Variants in BCOR observed in about 807,000 individuals in gnomAD.
BCOR encodes the protein BCL-6 corepressor.
BCOR carries 10 observed loss-of-function variants against 86.7 expected under a neutral mutation model. The observed-to-expected ratio is 0.12, with a 90% CI of 0.07 to 0.20. The LOEUF (loss-of-function observed/expected upper bound fraction) is 0.20. BCOR is among the 10% of genes least tolerant of loss of function. The pLI is 1.00. For synonymous variants in BCOR, 611 were observed against 609.0 expected, an observed-to-expected ratio of 1.00 and a Z score of -0.05; for missense variants, 1,259 against 1,452.1, an observed-to-expected ratio of 0.87 and a Z score of 2.16.
intron 1 of BCOR, among the ~76,000 whole-genome samples, chrX:40,151,137 T>G (rs1419074401): frequency 8.9e-6 from 1 of 111,768 alleles, no homozygotes; most frequent in East Asian, 2.8e-4. Context: ...AGGGTGGCAC[T>G]TCCCCCCTGG....
intron 1 of BCOR, among the ~76,000 whole-genome samples, chrX:40,087,255 C>CT (rs1393031755): frequency 9.7e-5 from 11 of 113,155 alleles, no homozygotes; most frequent in African/African-American, 3.2e-4. Context: ...TAAATACTTA[C>CT]TGGCCGCCCC....
intron 6 of BCOR, among the ~76,000 whole-genome samples, chrX:40,069,122 C>T (rs1455359056): frequency 2.7e-5 from 3 of 112,796 alleles, no homozygotes; most frequent in Non-Finnish European, 3.8e-5. Context: ...GGATCCAGCG[C>T]ATGCTGTACC....
At position 40,097,320 on chromosome X, in the gene BCOR, T is replaced by G. The variant is rs1416865183; in HGVS notation, c.-146A>C. ...CGAGAAGGAGCGGGGGGCGGTTGGG[T>G]GGGTGGAGAGAGATATGAGGGGTGG... On this transcript the variant is annotated 5_prime_UTR_variant, in exon 1 of 15. Coordinates refer to ENST00000378444, the MANE Select transcript of BCOR (RefSeq NM_001123385.2). 3.6e-4 allele frequency: 4 copies of G among 10,991 alleles called. No individual in the cohort carries two copies. The highest frequency in any genetic ancestry group is 4.0e-3 in the South Asian group (1 of 252). The allele number at this position is 10,991 out of a possible 1,213,427, so 0.9% of individuals were successfully genotyped here.
chrX:40,056,280 T>C (rs919743007), intron 11 of BCOR, among the ~76,000 whole-genome samples: 2 of 70,492 alleles, frequency 2.8e-5, no homozygotes, highest in Admixed American at 1.6e-4. Context: ...CTGTCACACA[T>C]TAAAAAAAAA....
intron 1 of BCOR, among the ~76,000 whole-genome samples, chrX:40,122,753 AT>A (rs1184962845): frequency 1.8e-5 from 2 of 110,909 alleles, no homozygotes; most frequent in Admixed American, 1.9e-4. Context: ...CATCCCGAAA[AT>A]TTAAACTCCC....
intron 1 of BCOR, among the ~76,000 whole-genome samples, chrX:40,109,159 C>G (rs1937251068): frequency 3.6e-5 from 4 of 112,105 alleles, no homozygotes; most frequent in Non-Finnish European, 5.7e-5. Flanking sequence ...GGCCCGGAGC[C>G]GCAGATTAGT....
At chrX:40,172,040 G>A (rs1325906886) in intron 1 of BCOR, among the ~76,000 whole-genome samples, 1 of 112,820 alleles carries the variant, frequency 8.9e-6, no homozygotes. Flanking sequence ...GCAGCTGGGC[G>A]TCTGCGCTGC....
intron 1 of BCOR, among the ~76,000 whole-genome samples, chrX:40,153,524 A>G (rs1938215739): frequency 9.0e-6 from 1 of 111,277 alleles, no homozygotes; most frequent in Non-Finnish European, 1.9e-5. Context: ...TCCTGCATCC[A>G]AGGAAGGGGA....
At chrX:40,144,074 G>A (rs1032923854) in intron 1 of BCOR, among the ~76,000 whole-genome samples, 4 of 105,347 alleles carry the variant, frequency 3.8e-5, no homozygotes, top group Non-Finnish European at 5.8e-5. Context: ...GCTGAGACCT[G>A]GAGGGGAAGA....
Position 40,063,686 on chromosome X carries a change from G to T in BCOR, c.3769C>A (p.Pro1257Thr). 8.3e-7 allele frequency: 1 copy of T among 1,211,538 alleles called. No homozygotes were observed. Among genetic ancestry groups the T allele is most frequent in the East Asian group, 3.0e-5 (1 of 33,835 alleles). The stretch of plus-strand genomic sequence containing the variant: ...TTGGCCTCTGCCCTTTTCCTGCCAG[G>T]TTTCTCTTCAGTGATGTTAGTCCCC... ...PQGTNITEEK[P>T]GRKRAEAKGN... Residue 1257 changes from proline (P) to threonine (T), a missense_variant, in exon 8 of 15, where the codon CCT becomes ACT. By Grantham distance (38) the Pro-to-Thr change is conservative. Transcript: ENST00000378444.
intron 1 of BCOR, among the ~76,000 whole-genome samples, chrX:40,145,392 T>C (rs1938023909): frequency 9.0e-6 from 1 of 111,214 alleles, no homozygotes; most frequent in Non-Finnish European, 1.9e-5. Flanking sequence ...CACCCTGTGG[T>C]GGGCCCATTA....
chrX:40,098,505 C>T (rs997451949), upstream of BCOR, among the ~76,000 whole-genome samples: 26 of 111,492 alleles, frequency 2.3e-4, no homozygotes, highest in African/African-American at 8.2e-4. Context: ...AGCCGCGCGC[C>T]GAGACTCCCC....
At chrX:40,079,687 C>G (rs1466728678) in intron 1 of BCOR, among the ~76,000 whole-genome samples, 1 of 111,735 alleles carries the variant, frequency 8.9e-6, no homozygotes, top group Non-Finnish European at 1.9e-5. Flanking sequence ...AGCGGCTCTT[C>G]CAGTTGACTA....
intron 1 of BCOR, among the ~76,000 whole-genome samples, chrX:40,145,297 C>T (rs1175908239): frequency 2.7e-5 from 3 of 111,535 alleles, no homozygotes; most frequent in Non-Finnish European, 5.7e-5. Flanking sequence ...CCGCGGCGCC[C>T]GGCCCGCCCC....
intron 1 of BCOR, among the ~76,000 whole-genome samples, chrX:40,128,947 C>A (rs1937574575): frequency 1.8e-5 from 2 of 111,866 alleles, no homozygotes; most frequent in African/African-American, 6.5e-5. Context: ...GTACTTGTTG[C>A]ATATTCAATG....
Position 40,054,241 on chromosome X carries a change from A to C in BCOR, c.4819+15T>G. On this transcript the variant is annotated intron_variant, in intron 13 of 14. Coordinates refer to ENST00000378444, the MANE Select transcript of BCOR (RefSeq NM_001123385.2). ...GTTCACCTCCTACGGAACTAGAGCAAACAATGCAGCTTACCACAAACAGAG... is the reference window on the plus strand; with the variant it reads ...GTTCACCTCCTACGGAACTAGAGCACACAATGCAGCTTACCACAAACAGAG... 2.5e-6 allele frequency: 3 copies of C among 1,202,045 alleles called. No homozygotes were observed. Among genetic ancestry groups the C allele is most frequent in the Non-Finnish European group, 3.4e-6 (3 of 888,031 alleles).
intron 1 of BCOR, among the ~76,000 whole-genome samples, chrX:40,135,685 C>T (rs1001066682): frequency 3.6e-5 from 4 of 111,643 alleles, no homozygotes; most frequent in Non-Finnish European, 5.7e-5. Flanking sequence ...CCACCGCGCC[C>T]GGCCCTTCAT....
chrX:40,150,670 C>T (rs760918448), intron 1 of BCOR, among the ~76,000 whole-genome samples: 4 of 111,864 alleles, frequency 3.6e-5, no homozygotes, highest in African/African-American at 1.3e-4. Context: ...CAGATCCCCC[C>T]GGTGGTGGTT....
intron 1 of BCOR, among the ~76,000 whole-genome samples, chrX:40,121,882 C>T (rs780607113): frequency 4.4e-5 from 5 of 112,555 alleles, no homozygotes; most frequent in Non-Finnish European, 9.4e-5. Context: ...TGGGCTCTCT[C>T]TCTCCAGCTG....
Sources: gnomAD v4.1 joint callset for allele counts (sites outside exome capture counted in the v4.1 genomes callset) on GRCh38, gnomAD v4.1.1 for gene constraint, MANE v1.5 for transcripts, NCBI Gene and HGNC (gene_info 2026-07-23, HGNC 2026-07-21) for gene names.